The following FBXW11 variants were observed in gnomAD, a reference collection of about 807,000 sequenced individuals.
FBXW11 encodes F-box/WD repeat-containing protein 11.
Under a neutral mutation model 77.6 loss-of-function variants are expected in FBXW11, and 19 were observed. That is an observed-to-expected ratio of 0.24 (90% CI 0.17 to 0.36). FBXW11 has a LOEUF of 0.36. Among genes scored for constraint, FBXW11 ranks in the 10% least tolerant of loss-of-function variants. The pLI is 1.00. For synonymous variants in FBXW11, 235 were observed against 249.4 expected (o/e 0.94, Z 0.54); for missense variants, 334 against 704.2 (o/e 0.47, Z 5.95).
chr5:171,887,369 T>C (rs557964192), intron 7 of FBXW11, among the ~76,000 whole-genome samples: 25 of 151,948 alleles, frequency 1.6e-4, no homozygotes, highest in Admixed American at 8.5e-4. Context: ...AATTCCACTA[T>C]TTCACTTTTT....
At chr5:171,878,819 T>C (rs1267620704) in intron 7 of FBXW11, among the ~76,000 whole-genome samples, 1 of 151,914 alleles carries the variant, frequency 6.6e-6, no homozygotes, top group Non-Finnish European at 1.5e-5. Flanking sequence ...CATAAAAATA[T>C]TAATGAAAAA....
At chr5:171,959,857 A>AG (rs1554105472) in intron 1 of FBXW11, among the ~76,000 whole-genome samples, 2 of 130,926 alleles carry the variant, frequency 1.5e-5, no homozygotes, top group Admixed American at 8.1e-5. Flanking sequence ...CAAAAAAAAA[A>AG]AAAAGAAAAG....
At chr5:171,985,819 C>T (rs1239031833) in intron 1 of FBXW11, among the ~76,000 whole-genome samples, 1 of 152,074 alleles carries the variant, frequency 6.6e-6, no homozygotes, top group Non-Finnish European at 1.5e-5. Context: ...TGGTGGCATG[C>T]ACCAGCAGTC....
At chr5:171,892,673 C>G (rs961488033) in intron 6 of FBXW11, among the ~76,000 whole-genome samples, 2 of 152,186 alleles carry the variant, frequency 1.3e-5, no homozygotes, top group Non-Finnish European at 2.9e-5. Flanking sequence ...ATACCCAGAG[C>G]ACCAGAAGAC....
At chr5:171,897,015 T>C (rs1466477179) in intron 6 of FBXW11, among the ~76,000 whole-genome samples, 4 of 152,166 alleles carry the variant, frequency 2.6e-5, no homozygotes, top group Admixed American at 6.6e-5. Flanking sequence ...GTAGCAGTGG[T>C]CTATTGTTAA....
rs1288070623 is a variant in FBXW11 at position 171,869,874 on chromosome 5, TG to T, written c.1452-68del. The stretch of plus-strand genomic sequence containing the variant: ...ATTTATATGCTGTCAAACATTTCCT[TG>T]AAAAAAAGTAGTGCATCTGAACTGC... On this transcript the variant is annotated intron_variant, in intron 11 of 13. Coordinates refer to ENST00000517395, the MANE Select transcript of FBXW11 (RefSeq NM_001378974.1). This position sits in a 1 kb window ranked among gnomAD's most constrained non-coding sequence, Gnocchi z 4.1. 1.9e-6 allele frequency: 2 copies of T among 1,080,748 alleles called. No homozygotes were observed. The highest frequency in any genetic ancestry group is 2.4e-5 in the Admixed American group (1 of 42,428). 66.9% of individuals were successfully genotyped at this position (1,080,748 alleles called of 1,614,324 possible).
intron 4 of FBXW11, among the ~76,000 whole-genome samples, chr5:171,900,692 T>C (rs1200492726): frequency 2.0e-5 from 3 of 152,148 alleles, no homozygotes; most frequent in African/African-American, 4.8e-5. Flanking sequence ...TTAAAGTCGA[T>C]TGTGCTTAAA....
chr5:171,982,909 A>T (rs1561747436), intron 1 of FBXW11, among the ~76,000 whole-genome samples: 1 of 152,164 alleles, frequency 6.6e-6, no homozygotes, highest in Non-Finnish European at 1.5e-5. Context: ...TGAAGCTTCC[A>T]TAAAAACCTA....
chr5:171,878,937 C>A (rs374823391), intron 7 of FBXW11, among the ~76,000 whole-genome samples: 48 of 152,196 alleles, frequency 3.2e-4, no homozygotes, highest in African/African-American at 1.1e-3. Context: ...AAATGTCCAG[C>A]ATTTCATAAA....
chr5:171,926,096 A>T (rs1761875670), intron 2 of FBXW11, among the ~76,000 whole-genome samples: 1 of 152,248 alleles, frequency 6.6e-6, no homozygotes, highest in Admixed American at 6.5e-5. Flanking sequence ...TATCCTACCT[A>T]AATTTTCCTT....
intron 1 of FBXW11, among the ~76,000 whole-genome samples, chr5:171,972,874 T>G (rs945191060): frequency 1.3e-5 from 2 of 152,186 alleles, no homozygotes; most frequent in Non-Finnish European, 2.9e-5. Flanking sequence ...CAGTTGTTAG[T>G]GCCATGAAAT....
chr5:171,999,908 A>C (rs1406618734), intron 1 of FBXW11, among the ~76,000 whole-genome samples: 1 of 152,138 alleles, frequency 6.6e-6, no homozygotes, highest in Admixed American at 6.5e-5. Context: ...TTGTTAACTC[A>C]ACCTGAGAGG....
intron 1 of FBXW11, among the ~76,000 whole-genome samples, chr5:172,001,487 C>T (rs1256967829): frequency 6.6e-6 from 1 of 152,160 alleles, no homozygotes; most frequent in African/African-American, 2.4e-5. Context: ...AAAGAAGACA[C>T]CGTGTGTATG....
At chr5:171,989,536 A>C (rs545397635) in intron 1 of FBXW11, among the ~76,000 whole-genome samples, 1 of 152,262 alleles carries the variant, frequency 6.6e-6, no homozygotes, top group African/African-American at 2.4e-5. Flanking sequence ...GAAGTAGAGG[A>C]GCTAGAGAAA....
intron 2 of FBXW11, among the ~76,000 whole-genome samples, chr5:171,920,117 C>A (rs539605182): frequency 6.6e-6 from 1 of 151,910 alleles, no homozygotes; most frequent in African/African-American, 2.4e-5. Context: ...GAGCGAAGAT[C>A]GCACCACTGC....
intron 1 of FBXW11, among the ~76,000 whole-genome samples, chr5:171,967,877 TATATATAC>T (rs1470482031): frequency 0.016 from 926 of 58,542 alleles, 18 homozygotes; most frequent in African/African-American, 0.047. Flanking sequence ...TATATATATA[TATATATAC>T]ACACACACAC....
In FBXW11 at chr5:172,006,622, C is replaced by G; in HGVS notation, c.-120G>C. ...TATCGCACCCACTCTAGCTGCCAGC[C>G]CGCCCGGGCCGCCGGCAGCTCCGCC... On this transcript the variant is annotated 5_prime_UTR_variant, in exon 1 of 14. Coordinates refer to ENST00000517395, the MANE Select transcript of FBXW11 (RefSeq NM_001378974.1). 7.7e-7 allele frequency: 1 copy of G among 1,301,074 alleles called. No homozygotes were observed. Among genetic ancestry groups the G allele is most frequent in the Non-Finnish European group, 9.8e-7 (1 of 1,023,742 alleles). The allele number at this position is 1,301,074 out of a possible 1,614,324, so 80.6% of individuals were successfully genotyped here. A position where few individuals can be genotyped will look rare whatever the true frequency, so the allele number is the denominator to read the frequency against.
In FBXW11 at chr5:171,910,578, A is replaced by G; in HGVS notation, c.430T>C (p.Leu144=). ...PMLQRDFITA[L]PEQGLDHIAE... ...AAAAGACAAGTACAGTTACCTGGTA[A>G]AGCGGTAATAAAGTCCCGCTGCAAC... is the stretch of plus-strand genomic sequence containing the variant. The change falls in exon 4 of 14, where the codon TTA becomes CTA. Residue 144 remains leucine (L), a synonymous_variant. Coordinates refer to ENST00000517395, the MANE Select transcript of FBXW11 (RefSeq NM_001378974.1). The G allele has an allele frequency of 6.2e-7, 1 of 1,610,746 alleles. No homozygotes were observed. The highest frequency in any genetic ancestry group is 8.5e-7 in the Non-Finnish European group (1 of 1,177,626).
chr5:171,958,245 T>C (rs970156107), intron 1 of FBXW11, among the ~76,000 whole-genome samples: 1 of 152,200 alleles, frequency 6.6e-6, no homozygotes, highest in African/African-American at 2.4e-5. Flanking sequence ...TTTCAAACTT[T>C]GGTTTGTCTG....
Sources: gnomAD v4.1 joint callset for allele counts (sites outside exome capture counted in the v4.1 genomes callset) on GRCh38, gnomAD v4.1.1 for gene constraint, Gnocchi (gnomAD v3.1) non-coding constraint, MANE v1.5 for transcripts, NCBI Gene and HGNC (gene_info 2026-07-23, HGNC 2026-07-21) for gene names.